CNOT3: variants seen among roughly 807,000 people sequenced by gnomAD.
CNOT3 encodes the protein CCR4-associated factor 3.
In CNOT3, 2 loss-of-function variants were observed where a neutral mutation model predicts 89.4. The observed-to-expected ratio is 0.02, with a 90% CI of 0.01 to 0.07. The LOEUF is 0.07. Ranked by LOEUF, CNOT3 falls within the 10% of genes least tolerant of loss-of-function variation. The probability of loss-of-function intolerance (pLI) is 1.00; values close to 1 mark genes in which losing one functional copy is unlikely to be tolerated. For synonymous variants in CNOT3, 486 were observed against 402.0 expected (o/e 1.21, Z -2.50); for missense variants, 664 against 1,010.2 (o/e 0.66, Z 4.65).
At chr19:54,153,253 G>T (rs765478925) in intron 16 of CNOT3, 3 of 762,884 alleles carry the variant, frequency 3.9e-6, no homozygotes, top group Admixed American at 1.7e-5. Context: ...CCCGCTTCCA[G>T]TTGCCCACTG....
At chr19:54,139,878 T>A (rs1389562036) in intron 1 of CNOT3, among the ~76,000 whole-genome samples, 2 of 152,162 alleles carry the variant, frequency 1.3e-5, no homozygotes, top group Non-Finnish European at 2.9e-5. Context: ...TGGAGATGAC[T>A]ACCTCTACCC....
chr19:54,148,813 C>T lies in CNOT3; in HGVS notation c.1406+70C>T. ...AAACAGAGAGGCGCAGGCGCCTCAC[C>T]CCCGCATCGGTGGGTTCTGAACCCC... On this transcript the variant is annotated intron_variant, in intron 12 of 17. Transcript: ENST00000221232. This position sits in a 1 kb window ranked among gnomAD's most constrained non-coding sequence, Gnocchi z 6.3. The T allele has an allele frequency of 6.7e-7, 1 of 1,500,504 alleles. No individual in the cohort carries two copies. The highest frequency in any genetic ancestry group is 9.0e-7 in the Non-Finnish European group (1 of 1,106,432). The allele number at this position is 1,500,504 out of a possible 1,614,324, so 92.9% of individuals were successfully genotyped here.
At chr19:54,138,781 C>T (rs1384269570) in intron 1 of CNOT3, among the ~76,000 whole-genome samples, 2 of 152,262 alleles carry the variant, frequency 1.3e-5, no homozygotes, top group Non-Finnish European at 2.9e-5. Flanking sequence ...TGGCTCCAGC[C>T]TCGCCATCCC....
In CNOT3 at chr19:54,144,417, T is replaced by C; in HGVS notation, c.483+85T>C. 1 of 984,122 alleles carries C rather than the reference T, an allele frequency of 1.0e-6. No homozygotes were observed. Among genetic ancestry groups the C allele is most frequent in the Non-Finnish European group, 1.6e-6 (1 of 624,852 alleles). 61.0% of individuals were successfully genotyped at this position (984,122 alleles called of 1,614,324 possible). A position where few individuals can be genotyped will look rare whatever the true frequency, so the allele number is the denominator to read the frequency against. On this transcript the variant is annotated intron_variant, in intron 7 of 17. Transcript: ENST00000221232. This position sits in a 1 kb window ranked among gnomAD's most constrained non-coding sequence, Gnocchi z 4.8. Reference sequence around the variant, plus strand: ...GCAGGAGGCCAGTCATTTATGCTCCTGGGAGTTGGGGCCTGGATTCCTCAG... The same window carrying C: ...GCAGGAGGCCAGTCATTTATGCTCCCGGGAGTTGGGGCCTGGATTCCTCAG...
Position 54,145,132 on chromosome 19 carries a change from G to A in CNOT3, c.484-466G>A, listed in dbSNP as rs2074608070. ...TCAGGGATAAATGGGTAGGGTTGGG[G>A]GCCTAGTGATGACAGATATCACAAT... On this transcript the variant is annotated intron_variant, in intron 7 of 17. Transcript: ENST00000221232. This position sits in a 1 kb window ranked among gnomAD's most constrained non-coding sequence, Gnocchi z 5.9. 6.6e-6 allele frequency among the ~76,000 whole-genome samples: 1 copy of A among 152,116 alleles called. No individual in the cohort carries two copies. The highest frequency in any genetic ancestry group is 6.5e-5 in the Admixed American group (1 of 15,268).
intron 9 of CNOT3, 62 bp from the exon 10 acceptor site, chr19:54,146,539 G>C (rs2074681522): frequency 3.6e-6 from 3 of 843,600 alleles, no homozygotes. Context: ...TTCAGAGATT[G>C]GCGGTTCTCC....
At chr19:54,153,104 C>CCGCAG in intron 16 of CNOT3, 105 bp downstream of exon 16, 1 of 1,027,078 alleles carries the variant, frequency 9.7e-7, no homozygotes, top group Non-Finnish European at 1.5e-6. Context: ...ACTGCGGCCA[C>CCGCAG]TGGGACCGCA....
At chr19:54,149,800 C>G (rs1568664707) in intron 13 of CNOT3, 42 bp downstream of exon 13, 2 of 1,530,506 alleles carry the variant, frequency 1.3e-6, no homozygotes, top group South Asian at 2.4e-5. Context: ...TGTCCTGACT[C>G]TGTTGTTTCT....
At chr19:54,155,060 C>T in intron 17 of CNOT3, 1 of 551,270 alleles carries the variant, frequency 1.8e-6, no homozygotes, top group Non-Finnish European at 3.2e-6. Flanking sequence ...GGCTGGGGCC[C>T]CGTTCTGGCA....
At chr19:54,150,402 G>C (rs2075006157) in intron 13 of CNOT3, among the ~76,000 whole-genome samples, 1 of 152,208 alleles carries the variant, frequency 6.6e-6, no homozygotes, top group Non-Finnish European at 1.5e-5. Flanking sequence ...CAGCAGAGAG[G>C]AGAGAGGTGT....
intron 13 of CNOT3, among the ~76,000 whole-genome samples, chr19:54,151,219 G>A (rs760974269): frequency 1.1e-4 from 17 of 152,208 alleles, no homozygotes; most frequent in Non-Finnish European, 1.9e-4. Context: ...AAAATGAATC[G>A]CTGGGGTGGG....
At chr19:54,150,438 A>T (rs11668868) in intron 13 of CNOT3, among the ~76,000 whole-genome samples, 4 of 152,082 alleles carry the variant, frequency 2.6e-5, no homozygotes, top group Non-Finnish European at 5.9e-5. Context: ...CAGTGCCACC[A>T]GCTGCAGGGC....
At chr19:54,153,303 CCA>C (rs751526594) in intron 16 of CNOT3, 11 of 761,878 alleles carry the variant, frequency 1.4e-5, no homozygotes, top group Non-Finnish European at 2.6e-5. Context: ...TCCAGCAGCC[CCA>C]GTCTAGGCCG....
At chr19:54,155,262 C>G in intron 17 of CNOT3, 47 bp from the exon 18 acceptor site, 1 of 1,606,606 alleles carries the variant, frequency 6.2e-7, no homozygotes, top group Non-Finnish European at 8.5e-7. Flanking sequence ...GCCCAGATCC[C>G]AGACCACCTC....
intron 1 of CNOT3, among the ~76,000 whole-genome samples, chr19:54,139,455 C>T (rs914097036): frequency 2.0e-5 from 3 of 152,108 alleles, no homozygotes; most frequent in East Asian, 3.9e-4. Context: ...TTCCTAGACC[C>T]GGGTTCCTGT....
At chr19:54,143,796 A>AT in intron 5 of CNOT3, 47 bp downstream of exon 5, 1 of 1,584,280 alleles carries the variant, frequency 6.3e-7, no homozygotes, top group Non-Finnish European at 8.7e-7. Flanking sequence ...AGGTCACCAG[A>AT]TTCTTGAGAT....
At chr19:54,151,708 A>T (rs1333762627) in intron 13 of CNOT3, among the ~76,000 whole-genome samples, 14 of 152,168 alleles carry the variant, frequency 9.2e-5, no homozygotes, top group Non-Finnish European at 1.5e-5. Flanking sequence ...TGGAGACCCA[A>T]CCTACCTGTT....
In CNOT3 at chr19:54,149,711, G is replaced by T. The variant is rs1190691591; in HGVS notation, c.1558G>T (p.Ala520Ser). The T allele has an allele frequency of 1.2e-6, 2 of 1,613,804 alleles. No homozygotes were observed. Among genetic ancestry groups the T allele is most frequent in the Non-Finnish European group, 1.7e-6 (2 of 1,179,930 alleles). The change falls in exon 13 of 18, where the codon GCC becomes TCC. Residue 520 changes from alanine (A) to serine (S), a missense_variant. Physicochemically the swap from Ala to Ser is moderately conservative, Grantham distance 99. Coordinates refer to ENST00000221232, the MANE Select transcript of CNOT3 (RefSeq NM_014516.4). ...CTTCAGTGATGCCAAGGCAGCCGGT[G>T]CCCTGCTCAATGGGCCTCCACAGTT... ...PSFSDAKAAG[A>S]LLNGPPQFST... is the part of the protein sequence containing the mutation.
At chr19:54,153,062 C>T in intron 16 of CNOT3, 63 bp downstream of exon 16, 2 of 1,544,224 alleles carry the variant, frequency 1.3e-6, no homozygotes, top group Admixed American at 1.8e-5. Flanking sequence ...CCGCCGTCCC[C>T]CCTCGGGCTG....
Sources: allele counts gnomAD v4.1 joint callset (sites outside exome capture counted in the v4.1 genomes callset), GRCh38; gene constraint gnomAD v4.1.1; non-coding constraint Gnocchi (gnomAD v3.1); transcripts MANE v1.5; gene names NCBI Gene and HGNC (gene_info 2026-07-23, HGNC 2026-07-21).